The following TESC variants were observed in gnomAD, a reference collection of about 807,000 sequenced individuals.
TESC encodes the protein calcineurin B homologous protein 3.
TESC carries 19 observed loss-of-function variants against 31.0 expected under a neutral mutation model. The observed-to-expected ratio is 0.61, with a 90% CI of 0.43 to 0.90. The LOEUF (loss-of-function observed/expected upper bound fraction) is 0.90, where lower values mean the gene tolerates loss of function less well. TESC is among the 40% of genes least tolerant of loss of function. The pLI is 0.00. For missense variants in TESC, 248 were observed against 303.8 expected, an observed-to-expected ratio of 0.82 and a Z score of 1.36; for synonymous variants, 109 against 114.8, an observed-to-expected ratio of 0.95 and a Z score of 0.32.
intron 1 of TESC, among the ~76,000 whole-genome samples, chr12:117,098,976 C>T (rs1393076438): frequency 1.3e-5 from 2 of 152,276 alleles, no homozygotes; most frequent in Admixed American, 1.3e-4. Context: ...GGTCCGCAGT[C>T]CCCCGGCCAG....
chr12:117,095,722 A>G (rs542880102), intron 1 of TESC, among the ~76,000 whole-genome samples: 1 of 152,108 alleles, frequency 6.6e-6, no homozygotes, highest in Non-Finnish European at 1.5e-5. Flanking sequence ...CTCTACAGAA[A>G]AATTTAAAAT....
At position 117,066,225 on chromosome 12, in the gene TESC, G is replaced by GTTTTTTTTTTTTTT. The variant is rs1491432827; in HGVS notation, c.128+9045_128+9046insAAAAAAAAAAAAAA. ...CTTTTTTTTTTTTTTTTTTTTTTTT[G>GTTTTTTTTTTTTTT]GGGCAGGGCTTCACTCTATCGCCCA... On this transcript the variant is annotated intron_variant, in intron 2 of 7. Coordinates refer to ENST00000335209, the MANE Select transcript of TESC (RefSeq NM_017899.4). 2.1e-4 allele frequency among the ~76,000 whole-genome samples: 2 copies of GTTTTTTTTTTTTTT among 9,608 alleles called. 1 individual carries two copies. Among genetic ancestry groups the GTTTTTTTTTTTTTT allele is most frequent in the African/African-American group, 1.4e-3 (2 of 1,382 alleles). The allele number at this position is 9,608 out of a possible 152,430, so 6.3% of individuals were successfully genotyped here. A position where few individuals can be genotyped will look rare whatever the true frequency, so the allele number is the denominator to read the frequency against.
At chr12:117,075,871 G>A (rs1161236727) in intron 1 of TESC, among the ~76,000 whole-genome samples, 11,988 of 44,946 alleles carry the variant, frequency 0.27, 1,381 homozygotes, top group South Asian at 0.36. Flanking sequence ...ATATATATAT[G>A]TGTGTATATA....
At chr12:117,086,350 C>T (rs1160225893) in intron 1 of TESC, among the ~76,000 whole-genome samples, 1 of 152,116 alleles carries the variant, frequency 6.6e-6, no homozygotes, top group African/African-American at 2.4e-5. Flanking sequence ...GATCTGCCCA[C>T]CTCGGCCTCC....
intron 2 of TESC, among the ~76,000 whole-genome samples, chr12:117,068,459 G>A (rs1043233080): frequency 2.9e-4 from 44 of 152,162 alleles, no homozygotes; most frequent in Admixed American, 1.6e-3. Flanking sequence ...AACCTGGGAC[G>A]GGGAGGTTGC....
At chr12:117,074,288 G>C (rs1955020079) in intron 2 of TESC, among the ~76,000 whole-genome samples, 1 of 151,740 alleles carries the variant, frequency 6.6e-6, no homozygotes, top group Admixed American at 6.6e-5. Context: ...GGATCGCTTG[G>C]GCCCAAGAGG....
chr12:117,062,532 T>G (rs1397759241), intron 2 of TESC, among the ~76,000 whole-genome samples: 1 of 152,158 alleles, frequency 6.6e-6, no homozygotes, highest in Non-Finnish European at 1.5e-5. Context: ...TGTGCCCATT[T>G]TAAAGATGAG....
At chr12:117,075,739 A>G (rs991488672) in intron 1 of TESC, among the ~76,000 whole-genome samples, 14 of 149,698 alleles carry the variant, frequency 9.4e-5, no homozygotes, top group Non-Finnish European at 1.8e-4. Flanking sequence ...ATCTCAGCTC[A>G]CTGCAGCCTC....
Position 117,039,040 on chromosome 12 carries a change from G to C in TESC, c.*93C>G. ...GCCTTGGCTATGTACCGGCGCTGCA[G>C]GAAGAGGCTGTCCGCCGGGCCTGGG... On this transcript the variant is annotated 3_prime_UTR_variant, in exon 8 of 8. Transcript: ENST00000335209. 4.9e-6 allele frequency: 7 copies of C among 1,420,064 alleles called. No individual in the cohort carries two copies. The South Asian group carries it at 8.6e-5, about 17-fold the overall frequency. The allele number at this position is 1,420,064 out of a possible 1,614,324, so 88.0% of individuals were successfully genotyped here.
At chr12:117,087,264 C>G (rs11068325) in intron 1 of TESC, among the ~76,000 whole-genome samples, 4 of 152,126 alleles carry the variant, frequency 2.6e-5, no homozygotes, top group African/African-American at 9.7e-5. Context: ...TTCAGAGCAG[C>G]AGCAGCAGCA....
chr12:117,067,734 T>C (rs182596469), intron 2 of TESC, among the ~76,000 whole-genome samples: 78 of 152,362 alleles, frequency 5.1e-4, no homozygotes, highest in Admixed American at 4.7e-3. Flanking sequence ...GGACCTACTG[T>C]GTAATTTTAA....
intron 2 of TESC, among the ~76,000 whole-genome samples, chr12:117,060,395 A>G (rs1283291149): frequency 6.6e-6 from 1 of 152,114 alleles, no homozygotes; most frequent in Non-Finnish European, 1.5e-5. Context: ...TGTGTGACAC[A>G]TGCTTTTCTG....
At chr12:117,045,132 G>GT (rs1954539402) in intron 6 of TESC, among the ~76,000 whole-genome samples, 1 of 152,196 alleles carries the variant, frequency 6.6e-6, no homozygotes, top group Non-Finnish European at 1.5e-5. Context: ...ACACCAGAAG[G>GT]TATTTTAGGA....
intron 4 of TESC, among the ~76,000 whole-genome samples, chr12:117,047,360 T>G (rs1412628750): frequency 6.6e-6 from 1 of 151,752 alleles, no homozygotes; most frequent in Admixed American, 6.6e-5. Context: ...CCTCTCCATG[T>G]TGTTCCCAGC....
chr12:117,064,243 C>G (rs534324213), intron 2 of TESC, among the ~76,000 whole-genome samples: 2 of 152,176 alleles, frequency 1.3e-5, no homozygotes, highest in African/African-American at 2.4e-5. Context: ...CACATGAATG[C>G]GTGAGAACTG....
At chr12:117,094,656 G>A (rs564067574) in intron 1 of TESC, among the ~76,000 whole-genome samples, 1 of 152,242 alleles carries the variant, frequency 6.6e-6, no homozygotes, top group East Asian at 1.9e-4. Flanking sequence ...ATGGAGAGAT[G>A]GCTTTCTGGA....
At chr12:117,075,675 T>A (rs1356592283) in intron 1 of TESC, among the ~76,000 whole-genome samples, 2 of 150,936 alleles carry the variant, frequency 1.3e-5, no homozygotes, top group Non-Finnish European at 2.9e-5. Context: ...TTGTTTTCTG[T>A]GGCAGGGTTT....
At chr12:117,064,750 GGGA>G (rs1215324944) in intron 2 of TESC, among the ~76,000 whole-genome samples, 2 of 152,186 alleles carry the variant, frequency 1.3e-5, no homozygotes, top group Non-Finnish European at 2.9e-5. Flanking sequence ...AAAGGCCACA[GGGA>G]AAAAAGTGAC....
Position 117,038,931 on chromosome 12 carries a change from C to T in TESC, c.*202G>A, listed in dbSNP as rs1000601042. Reference sequence around the variant, plus strand: ...AACTGACAGAGGCCACATTAATTAACAAACCTTTTTTTTTTTTTTATTGGA... The same window carrying T: ...AACTGACAGAGGCCACATTAATTAATAAACCTTTTTTTTTTTTTTATTGGA... On this transcript the variant is annotated 3_prime_UTR_variant, in exon 8 of 8. Coordinates refer to ENST00000335209, the MANE Select transcript of TESC (RefSeq NM_017899.4). 19 of 562,268 alleles carry T rather than the reference C, an allele frequency of 3.4e-5. No homozygotes were observed. Among genetic ancestry groups the T allele is most frequent in the Middle Eastern group, 4.8e-4 (1 of 2,096 alleles). The allele number at this position is 562,268 out of a possible 1,614,324, so 34.8% of individuals were successfully genotyped here. A position where few individuals can be genotyped will look rare whatever the true frequency, so the allele number is the denominator to read the frequency against.
Sources: allele counts gnomAD v4.1 joint callset (sites outside exome capture counted in the v4.1 genomes callset), GRCh38; gene constraint gnomAD v4.1.1; transcripts MANE v1.5; gene names NCBI Gene and HGNC (gene_info 2026-07-23, HGNC 2026-07-21).